PTK7: variants seen among roughly 807,000 people sequenced by gnomAD.
PTK7 encodes the protein inactive tyrosine-protein kinase 7.
Under a neutral mutation model 116.6 loss-of-function variants are expected in PTK7, and 39 were observed. The observed-to-expected ratio is 0.33, with a 90% confidence interval of 0.26 to 0.44. The LOEUF (loss-of-function observed/expected upper bound fraction) is 0.44, where lower values mean the gene tolerates loss of function less well. Among genes scored for constraint, PTK7 ranks in the 20% least tolerant of loss-of-function variants. PTK7 has a pLI of 1.00. For missense variants in PTK7, 1,169 were observed against 1,425.6 expected (o/e 0.82, Z 2.90); for synonymous variants, 546 against 563.6 (o/e 0.97, Z 0.44).
intron 7 of PTK7, chr6:43,133,432 G>A (rs1160304915): frequency 6.6e-6 from 1 of 152,192 alleles, no homozygotes. Flanking sequence ...AATTAGCTGG[G>A]CGTGGTGGGG....
At chr6:43,115,947 A>AAAAAAAGG (rs577047547) in intron 1 of PTK7, among the ~76,000 whole-genome samples, 3 of 128,404 alleles carry the variant, frequency 2.3e-5, no homozygotes, top group African/African-American at 6.3e-5. Context: ...AAAAAAAAAA[A>AAAAAAAGG]GGCAGTGGGC....
At chr6:43,110,304 A>G (rs779432753) in intron 1 of PTK7, among the ~76,000 whole-genome samples, 10 of 150,242 alleles carry the variant, frequency 6.7e-5, no homozygotes, top group South Asian at 2.1e-4. Context: ...GTATTTTCCT[A>G]TATTTATTAA....
chr6:43,122,872 G>A (rs1024869004), intron 1 of PTK7, among the ~76,000 whole-genome samples: 1 of 152,142 alleles, frequency 6.6e-6, no homozygotes, highest in African/African-American at 2.4e-5. Flanking sequence ...CTCCCAAAGT[G>A]TTGGGATTAC....
chr6:43,078,864 C>T (rs1407449277), intron 1 of PTK7, among the ~76,000 whole-genome samples: 1 of 152,154 alleles, frequency 6.6e-6, no homozygotes, highest in African/African-American at 2.4e-5. Flanking sequence ...TTCTTTCCTC[C>T]GGGCTCTTGT....
In PTK7 at chr6:43,145,007, A is replaced by G. The variant is rs558120046; in HGVS notation, c.2408-193A>G. The G allele has an allele frequency of 8.2e-6, 4 of 488,832 alleles. No homozygotes were observed. In the East Asian group the frequency reaches 1.2e-4, roughly 15 times the overall value. The allele number at this position is 488,832 out of a possible 1,614,324, so 30.3% of individuals were successfully genotyped here. On this transcript the variant is annotated intron_variant, in intron 15 of 19. Coordinates refer to ENST00000230419, the MANE Select transcript of PTK7 (RefSeq NM_002821.5). This position sits in a 1 kb window ranked among gnomAD's most constrained non-coding sequence, Gnocchi z 4.8. ...AGTCACCCTTTGGAAAATGCTGAAT[A>G]TTAGTCCCACCCTTTTATTTTGTTG...
At chr6:43,136,536 G>T (rs1770054122) in intron 7 of PTK7, among the ~76,000 whole-genome samples, 1 of 152,126 alleles carries the variant, frequency 6.6e-6, no homozygotes, top group Non-Finnish European at 1.5e-5. Context: ...AGTTGACTGG[G>T]GCTATTGACC....
intron 13 of PTK7, chr6:43,142,582 C>G: frequency 2.0e-6 from 1 of 512,424 alleles, no homozygotes; most frequent in African/African-American, 1.9e-5. Flanking sequence ...CTGCAGCAGC[C>G]ACACATATCT....
chr6:43,101,089 G>A (rs960607980), intron 1 of PTK7, among the ~76,000 whole-genome samples: 1 of 151,880 alleles, frequency 6.6e-6, no homozygotes, highest in African/African-American at 2.4e-5. Context: ...AAAATTAGCC[G>A]GGCATGGTGG....
chr6:43,118,649 C>A (rs1488273251), intron 1 of PTK7, among the ~76,000 whole-genome samples: 7 of 86,550 alleles, frequency 8.1e-5, no homozygotes, highest in African/African-American at 2.9e-4. Context: ...CTCTCTCTCT[C>A]TCTCTCTCTC....
intron 1 of PTK7, among the ~76,000 whole-genome samples, chr6:43,122,559 C>T (rs989407948): frequency 2.6e-5 from 4 of 151,450 alleles, no homozygotes; most frequent in Non-Finnish European, 5.9e-5. Flanking sequence ...ATCTGGCATT[C>T]GGGATATTCC....
chr6:43,102,389 C>T (rs1767633470), intron 1 of PTK7, among the ~76,000 whole-genome samples: 1 of 152,084 alleles, frequency 6.6e-6, no homozygotes, highest in Non-Finnish European at 1.5e-5. Flanking sequence ...CGTGCCACTG[C>T]ACTCCAGCTT....
In PTK7 at chr6:43,139,571, T is replaced by C. The variant is rs1451301293; in HGVS notation, c.1618+46T>C. On this transcript the variant is annotated intron_variant, in intron 10 of 19. Coordinates refer to ENST00000230419, the MANE Select transcript of PTK7 (RefSeq NM_002821.5). The surrounding 1 kb of genome is among the most constrained non-coding windows in gnomAD (Gnocchi z 4.6). ...GGGTAGGGGCAGGCAGGCAGTTCAC[T>C]GATCAGATACATACCTGAGGGCTGC... The C allele has an allele frequency of 1.2e-6, 2 of 1,610,346 alleles. No homozygotes were observed. The highest frequency in any genetic ancestry group is 1.7e-6 in the Non-Finnish European group (2 of 1,178,902).
In PTK7 at chr6:43,160,734, G is replaced by C. The variant is rs776338712; in HGVS notation, c.3066G>C (p.Gly1022=). Residue 1022 remains glycine (G), a synonymous_variant, in exon 20 of 20, where the codon GGG becomes GGC. Coordinates refer to ENST00000230419, the MANE Select transcript of PTK7 (RefSeq NM_002821.5). ...TCTTCCCTACAGATTTGCAGGCTGG[G>C]AAGGCTAGACTTCCTCAGCCCGAGG... The part of the protein sequence containing the change: ...DDEVLADLQA[G]KARLPQPEGC... The C allele has an allele frequency of 6.8e-6, 11 of 1,614,058 alleles. No homozygotes were observed. Among genetic ancestry groups the C allele is most frequent in the Non-Finnish European group, 8.5e-6 (10 of 1,180,026 alleles).
At chr6:43,120,883 C>G (rs1251536913) in intron 1 of PTK7, among the ~76,000 whole-genome samples, 1 of 152,012 alleles carries the variant, frequency 6.6e-6, no homozygotes, top group Non-Finnish European at 1.5e-5. Flanking sequence ...ACTCCAGCTG[C>G]ATTTTTCATT....
At position 43,158,868 on chromosome 6, in the gene PTK7, C is replaced by A. The variant is rs140848241; in HGVS notation, c.2773C>A (p.Arg925Ser). 1.2e-6 allele frequency: 2 copies of A among 1,614,062 alleles called. No homozygotes were observed. Among genetic ancestry groups the A allele is most frequent in the South Asian group, 1.1e-5 (1 of 91,080 alleles). ...ALGMEHLSNN[R>S]FVHKDLAARN... ...GGGCATGGAGCACCTGTCCAACAAC[C>A]GCTTTGTGCATAAGGACTTGGCTGC... The change falls in exon 18 of 20, where the codon CGC (arginine) becomes AGC (serine). Residue 925 changes from arginine to serine, a missense_variant. Transcript: ENST00000230419.
chr6:43,124,379 C>G (rs761607003), intron 1 of PTK7, among the ~76,000 whole-genome samples: 1 of 152,190 alleles, frequency 6.6e-6, no homozygotes, highest in Non-Finnish European at 1.5e-5. Flanking sequence ...TTGTCTGCTT[C>G]CCCAAAACAA....
intron 17 of PTK7, among the ~76,000 whole-genome samples, chr6:43,157,343 TATATATATATATATATATA>T (rs1276286182): frequency 0.011 from 471 of 41,542 alleles, 67 homozygotes; most frequent in Middle Eastern, 0.026. Context: ...TATATATATA[TATATATATATATATATATA>T]TATTTTTTTT....
At chr6:43,077,365 C>CA (rs1029800762) in intron 1 of PTK7, among the ~76,000 whole-genome samples, 2 of 152,122 alleles carry the variant, frequency 1.3e-5, no homozygotes, top group African/African-American at 2.4e-5. Flanking sequence ...ACTGTCCTCA[C>CA]AGAGGAAAGG....
chr6:43,132,856 C>T (rs1769782248), intron 7 of PTK7, 169 bp downstream of exon 7: 1 of 951,264 alleles, frequency 1.1e-6, no homozygotes, highest in Admixed American at 2.0e-5. Flanking sequence ...GAGAGCCAGG[C>T]ACAGGGGTTA....
Sources: allele counts gnomAD v4.1 joint callset (sites outside exome capture counted in the v4.1 genomes callset), GRCh38; gene constraint gnomAD v4.1.1; non-coding constraint Gnocchi (gnomAD v3.1); transcripts MANE v1.5; gene names NCBI Gene and HGNC (gene_info 2026-07-23, HGNC 2026-07-21).